GRM8: variants seen among roughly 807,000 people sequenced by gnomAD.
GRM8 encodes glutamate metabotropic receptor 8.
A neutral mutation model predicts 87.2 loss-of-function variants in GRM8; 47 were observed. That is an observed-to-expected ratio of 0.54 (90% CI 0.43 to 0.69). GRM8 has a LOEUF of 0.69. Among genes scored for constraint, GRM8 ranks in the 30% least tolerant of loss-of-function variants. The pLI is 0.00. For synonymous variants in GRM8, 396 were observed against 404.5 expected (o/e 0.98, Z 0.25); for missense variants, 1,019 against 1,139.2 (o/e 0.89, Z 1.52).
At chr7:127,217,939 T>G (rs1295901121) in intron 2 of GRM8, among the ~76,000 whole-genome samples, 1 of 152,196 alleles carries the variant, frequency 6.6e-6, no homozygotes, top group African/African-American at 2.4e-5. Flanking sequence ...CAGTCTGAAG[T>G]CCACCGCTCC....
At chr7:127,173,347 T>C (rs939763861) in intron 2 of GRM8, among the ~76,000 whole-genome samples, 3 of 152,056 alleles carry the variant, frequency 2.0e-5, no homozygotes, top group Non-Finnish European at 1.5e-5. Context: ...CATGTGGACA[T>C]CTAGGGAAAG....
intron 3 of GRM8, among the ~76,000 whole-genome samples, chr7:126,977,211 G>A (rs1241459440): frequency 6.6e-6 from 1 of 152,072 alleles, no homozygotes; most frequent in Non-Finnish European, 1.5e-5. Flanking sequence ...ATAAGAATTA[G>A]CCATGGTTCA....
rs1452265906 is a variant in GRM8, at chr7:126,533,756, T to C, written c.1626A>G (p.Glu542=). 3 of 1,614,032 alleles carry C rather than the reference T, an allele frequency of 1.9e-6. No homozygotes were observed. Among genetic ancestry groups the C allele is most frequent in the Non-Finnish European group, 1.7e-6 (2 of 1,179,954 alleles). Residue 542 remains glutamate (E), a synonymous_variant, in exon 9 of 11, where the codon GAA becomes GAG. Coordinates refer to ENST00000339582, the MANE Select transcript of GRM8 (RefSeq NM_000845.3). ...VPCCWHCERC[E]GYNYQVDELS... ...GCTCATCCACCTGGTAGTTGTAACC[T>C]TCACAGCGTTCACAGTGCCAGCAGC...
chr7:126,995,231 G>A lies in GRM8; in HGVS notation c.728-90548C>T, dbSNP rs184610054. ...TAGAAAGCCTTCCCAAGAAGAATGA[G>A]CATAGAGCATAGACAAGCTCAGACT... On this transcript the variant is annotated intron_variant, in intron 3 of 10. Transcript: ENST00000339582. Among the ~76,000 whole-genome samples, 308 of 152,198 alleles carry A rather than the reference G, an allele frequency of 2.0e-3. 1 individual carries two copies. Among genetic ancestry groups the A allele is most frequent in the African/African-American group, 7.1e-3 (295 of 41,540 alleles).
chr7:126,478,404 C>A (rs530006209), intron 9 of GRM8, among the ~76,000 whole-genome samples: 1 of 151,938 alleles, frequency 6.6e-6, no homozygotes, highest in Non-Finnish European at 1.5e-5. Context: ...ACATTACTGG[C>A]GTGAGATAAG....
chr7:126,518,441 G>A (rs1812494854), intron 9 of GRM8, among the ~76,000 whole-genome samples: 1 of 152,050 alleles, frequency 6.6e-6, no homozygotes, highest in African/African-American at 2.4e-5. Context: ...TGCAAATAGA[G>A]AGCAAGAAAT....
chr7:126,926,749 A>T (rs1259063290), intron 3 of GRM8, among the ~76,000 whole-genome samples: 1 of 152,136 alleles, frequency 6.6e-6, no homozygotes, highest in Non-Finnish European at 1.5e-5. Flanking sequence ...TGCTCTTACA[A>T]ACCTTCATCT....
intron 3 of GRM8, among the ~76,000 whole-genome samples, chr7:126,947,392 A>G (rs182112421): frequency 1.3e-5 from 2 of 152,318 alleles, no homozygotes; most frequent in African/African-American, 4.8e-5. Context: ...TTAGTTGTAG[A>G]GATCAAATGC....
At chr7:126,555,130 T>C (rs898445866) in intron 8 of GRM8, among the ~76,000 whole-genome samples, 2 of 152,062 alleles carry the variant, frequency 1.3e-5, no homozygotes, top group Admixed American at 1.3e-4. Context: ...GAAACACCAA[T>C]AGAACAAAAC....
chr7:126,590,920 C>G (rs1285868360), intron 8 of GRM8, among the ~76,000 whole-genome samples: 1 of 152,076 alleles, frequency 6.6e-6, no homozygotes, highest in Non-Finnish European at 1.5e-5. Context: ...ACAGAACATC[C>G]TTAAAGCATA....
At chr7:126,605,825 T>C (rs571418315) in intron 8 of GRM8, among the ~76,000 whole-genome samples, 3 of 152,318 alleles carry the variant, frequency 2.0e-5, no homozygotes, top group Non-Finnish European at 4.4e-5. Flanking sequence ...CAGGCCAGAT[T>C]AGCAACCTCT....
intron 7 of GRM8, among the ~76,000 whole-genome samples, chr7:126,675,831 A>T (rs1806900537): frequency 6.6e-6 from 1 of 152,216 alleles, no homozygotes; most frequent in Non-Finnish European, 1.5e-5. Flanking sequence ...GAACTGGAAC[A>T]AGATCAGGAT....
chr7:126,627,369 T>G (rs1585275943), intron 7 of GRM8, among the ~76,000 whole-genome samples: 2 of 152,352 alleles, frequency 1.3e-5, no homozygotes, highest in African/African-American at 4.8e-5. Flanking sequence ...CCTACAGCAG[T>G]AAATTATCCA....
At chr7:126,716,943 AAAGAT>A (rs1360249126) in intron 7 of GRM8, among the ~76,000 whole-genome samples, 9 of 152,182 alleles carry the variant, frequency 5.9e-5, no homozygotes, top group Non-Finnish European at 1.3e-4. Flanking sequence ...GGAGCAGAAA[AAAGAT>A]AAGAGTTCCT....
intron 3 of GRM8, among the ~76,000 whole-genome samples, chr7:127,004,245 T>A (rs1814036875): frequency 6.6e-6 from 1 of 151,468 alleles, no homozygotes; most frequent in Admixed American, 6.6e-5. Context: ...AACCAGGTGA[T>A]GAAATAACAA....
At chr7:126,884,943 T>G (rs1800350329) in intron 6 of GRM8, among the ~76,000 whole-genome samples, 1 of 152,316 alleles carries the variant, frequency 6.6e-6, no homozygotes, top group Non-Finnish European at 1.5e-5. Flanking sequence ...TTGTATCCTA[T>G]TCCTGGAATC....
intron 6 of GRM8, among the ~76,000 whole-genome samples, chr7:126,807,025 G>C (rs1792842850): frequency 6.6e-6 from 1 of 152,210 alleles, no homozygotes; most frequent in Non-Finnish European, 1.5e-5. Context: ...CCGAGAGTGA[G>C]CGAGGGCTGC....
At chr7:126,618,878 G>T (rs1163553536) in intron 7 of GRM8, among the ~76,000 whole-genome samples, 2 of 152,202 alleles carry the variant, frequency 1.3e-5, no homozygotes, top group Non-Finnish European at 2.9e-5. Flanking sequence ...GAAACAACAG[G>T]TGATGGAGAG....
chr7:126,836,291 A>C (rs1456226478), intron 6 of GRM8, among the ~76,000 whole-genome samples: 1 of 152,228 alleles, frequency 6.6e-6, no homozygotes. Flanking sequence ...TGGTGTATTT[A>C]AACATTCAAC....
Sources: allele counts gnomAD v4.1 joint callset (sites outside exome capture counted in the v4.1 genomes callset), GRCh38; gene constraint gnomAD v4.1.1; transcripts MANE v1.5; gene names NCBI Gene and HGNC (gene_info 2026-07-23, HGNC 2026-07-21).